The following LRFN2 variants were observed in gnomAD, a reference collection of about 807,000 sequenced individuals.
LRFN2 encodes leucine-rich repeat and fibronectin type-III domain-containing protein 2.
A neutral mutation model predicts 37.3 loss-of-function variants in LRFN2; 18 were observed. The observed-to-expected ratio is 0.48, with a 90% CI of 0.33 to 0.72. LRFN2 has a LOEUF of 0.72. Among genes scored for constraint, LRFN2 ranks in the 30% least tolerant of loss-of-function variants. The pLI, the probability that LRFN2 is intolerant of heterozygous loss-of-function variation, is 0.02. For missense variants in LRFN2, 1,006 were observed against 1,060.7 expected, an observed-to-expected ratio of 0.95 and a Z score of 0.72; for synonymous variants, 556 against 466.6, an observed-to-expected ratio of 1.19 and a Z score of -2.47.
chr6:40,392,692 T>C lies in LRFN2; in HGVS notation c.1621A>G (p.Ile541Val). The C allele has an allele frequency of 6.2e-7, 1 of 1,614,036 alleles. No individual in the cohort carries two copies. Among genetic ancestry groups the C allele is most frequent in the Non-Finnish European group, 8.5e-7 (1 of 1,180,004 alleles). Residue 541 changes from isoleucine to valine, a missense_variant, in exon 3 of 3, where the codon ATC becomes GTC. By Grantham distance (29) the Ile-to-Val change is conservative. This residue lies in a region of LRFN2 where 120 missense variants were observed against 178.4 expected (regional missense o/e 0.67). Coordinates refer to ENST00000338305, the MANE Select transcript of LRFN2 (RefSeq NM_020737.3). This position sits in a 1 kb window ranked among gnomAD's most constrained non-coding sequence, Gnocchi z 4.7. Reference protein sequence around the residue: ...GGTMILVIGGIIVATLLVFIV... With the variant: ...GGTMILVIGGVIVATLLVFIV... Reference sequence around the variant, plus strand: ...AAGACCAGCAGCGTGGCCACGATGATGCCCCCGATGACCAGGATCATGGTG... The same window carrying C: ...AAGACCAGCAGCGTGGCCACGATGACGCCCCCGATGACCAGGATCATGGTG...
intron 1 of LRFN2, among the ~76,000 whole-genome samples, chr6:40,503,530 T>C (rs1031316437): frequency 3.9e-5 from 6 of 152,212 alleles, no homozygotes; most frequent in African/African-American, 1.4e-4. Context: ...GTTTGGGGAC[T>C]TTTAAGACAT....
chr6:40,490,020 C>T (rs757836361), intron 1 of LRFN2, among the ~76,000 whole-genome samples: 24 of 152,152 alleles, frequency 1.6e-4, no homozygotes, highest in Non-Finnish European at 2.2e-4. Flanking sequence ...GAGGGAGGGC[C>T]GCCGCTTGCC....
At chr6:40,537,540 CT>C (rs1247286772) in intron 1 of LRFN2, among the ~76,000 whole-genome samples, 2 of 152,164 alleles carry the variant, frequency 1.3e-5, no homozygotes, top group Non-Finnish European at 2.9e-5. Context: ...CTTCAACTGC[CT>C]CTTCAACGCT....
intron 1 of LRFN2, among the ~76,000 whole-genome samples, chr6:40,533,004 G>T (rs1398395146): frequency 1.3e-5 from 2 of 152,214 alleles, no homozygotes; most frequent in Non-Finnish European, 2.9e-5. Context: ...ACGGCCAACT[G>T]TAAGGTGTTA....
intron 1 of LRFN2, among the ~76,000 whole-genome samples, chr6:40,439,966 A>G (rs1763791651): frequency 6.6e-6 from 1 of 152,124 alleles, no homozygotes; most frequent in Admixed American, 6.5e-5. Flanking sequence ...TGCTCTCAGA[A>G]GGTTCTAGCT....
chr6:40,499,388 AT>A (rs34232819), intron 1 of LRFN2, among the ~76,000 whole-genome samples: 5,833 of 147,372 alleles, frequency 0.04, 145 homozygotes, highest in Non-Finnish European at 0.056. Context: ...CCTTCCAGAC[AT>A]TTTTTTTTTT....
In LRFN2 at chr6:40,431,789, AC is replaced by A; in HGVS notation, c.1324del (p.Val442SerfsTer8). ...CTTCACCCGGGGTGCTGACTTGCTG[AC>A]AGACCACTTGACCAGGGCCGAGGTG... Reference protein sequence around the residue: ...TTTSALVKWSVSKSAPRVKMY... With the variant: ...TTTSALVKWSXSKSAPRVKMY... On this transcript the variant is annotated frameshift_variant, in exon 2 of 3. Transcript: ENST00000338305. LOFTEE classifies it high-confidence loss of function. 6.5e-7 allele frequency: 1 copy of A among 1,537,928 alleles called. No individual in the cohort carries two copies. Among genetic ancestry groups the A allele is most frequent in the Non-Finnish European group, 8.8e-7 (1 of 1,141,886 alleles).
intron 2 of LRFN2, among the ~76,000 whole-genome samples, chr6:40,401,563 C>T (rs1272171431): frequency 6.6e-6 from 1 of 152,114 alleles, no homozygotes; most frequent in Non-Finnish European, 1.5e-5. Flanking sequence ...TACATTATGG[C>T]AATTATTTGC....
intron 1 of LRFN2, among the ~76,000 whole-genome samples, chr6:40,460,717 C>T (rs551750260): frequency 1.2e-4 from 19 of 152,200 alleles, no homozygotes; most frequent in Middle Eastern, 3.4e-3. Context: ...GGTGAGCTGG[C>T]CCAGAAAGCC....
chr6:40,435,994 G>A (rs1466432902), intron 1 of LRFN2, among the ~76,000 whole-genome samples: 1 of 152,078 alleles, frequency 6.6e-6, no homozygotes. Flanking sequence ...GAAATATGAT[G>A]TGAGCCAAAA....
intron 1 of LRFN2, among the ~76,000 whole-genome samples, chr6:40,439,748 A>C (rs1763784198): frequency 6.6e-6 from 1 of 152,190 alleles, no homozygotes; most frequent in Non-Finnish European, 1.5e-5. Flanking sequence ...TTCTTCTAGA[A>C]TCTTGAGAAG....
chr6:40,461,173 GA>G (rs948357532), intron 1 of LRFN2, among the ~76,000 whole-genome samples: 10 of 152,188 alleles, frequency 6.6e-5, no homozygotes, highest in African/African-American at 2.4e-4. Flanking sequence ...TTGGGAGGCT[GA>G]GGTGGGAAGA....
intron 1 of LRFN2, among the ~76,000 whole-genome samples, chr6:40,491,072 C>T (rs1454887664): frequency 1.3e-5 from 2 of 152,118 alleles, no homozygotes; most frequent in Non-Finnish European, 2.9e-5. Context: ...GTGGAGATGG[C>T]GGTCACGTAG....
At chr6:40,577,090 T>TGTCTC (rs1767295021) in intron 1 of LRFN2, among the ~76,000 whole-genome samples, 1 of 141,290 alleles carries the variant, frequency 7.1e-6, no homozygotes, top group Non-Finnish European at 1.5e-5. Context: ...TTTCTTTTCT[T>TGTCTC]TTCTTTTCTT....
chr6:40,536,956 A>C (rs1766460048), intron 1 of LRFN2, among the ~76,000 whole-genome samples: 1 of 152,200 alleles, frequency 6.6e-6, no homozygotes, highest in Admixed American at 6.5e-5. Context: ...AAGCTTTCTT[A>C]AACCTCACCA....
chr6:40,519,453 T>C (rs1482588033), intron 1 of LRFN2, among the ~76,000 whole-genome samples: 1 of 152,212 alleles, frequency 6.6e-6, no homozygotes, highest in Non-Finnish European at 1.5e-5. Context: ...TTTGACCATA[T>C]GACTTGCATT....
chr6:40,542,421 T>A (rs763310743), intron 1 of LRFN2, among the ~76,000 whole-genome samples: 2 of 150,206 alleles, frequency 1.3e-5, no homozygotes, highest in Non-Finnish European at 3.0e-5. Flanking sequence ...GGGCGGGAGG[T>A]GCTGCAGTGA....
At chr6:40,401,633 G>A (rs1050326112) in intron 2 of LRFN2, among the ~76,000 whole-genome samples, 1 of 152,196 alleles carries the variant, frequency 6.6e-6, no homozygotes, top group Admixed American at 6.5e-5. Flanking sequence ...TGAGCCTGAA[G>A]TATTTGCTAT....
chr6:40,519,206 C>T (rs1351317992), intron 1 of LRFN2, among the ~76,000 whole-genome samples: 1 of 152,182 alleles, frequency 6.6e-6, no homozygotes, highest in Non-Finnish European at 1.5e-5. Flanking sequence ...GTAATCAATA[C>T]AATATGTGCT....
Sources: gnomAD v4.1 joint callset for allele counts (sites outside exome capture counted in the v4.1 genomes callset) on GRCh38, gnomAD v4.1.1 for gene constraint, gnomAD v4.1.1 regional missense constraint, Gnocchi (gnomAD v3.1) non-coding constraint, MANE v1.5 for transcripts, NCBI Gene and HGNC (gene_info 2026-07-23, HGNC 2026-07-21) for gene names.